Variants in MBD3 observed in about 807,000 individuals in gnomAD.
MBD3 encodes the protein methyl-CpG binding domain protein 3.
A neutral mutation model predicts 31.2 loss-of-function variants in MBD3; 13 were observed. The observed-to-expected ratio is 0.42, with a 90% CI of 0.27 to 0.66. MBD3 has a LOEUF of 0.66. MBD3 is among the 30% of genes least tolerant of loss of function. The pLI, the probability that MBD3 is intolerant of heterozygous loss-of-function variation, is 0.26. For missense variants in MBD3, 440 were observed against 426.5 expected (o/e 1.03, Z -0.28); for synonymous variants, 223 against 187.4 (o/e 1.19, Z -1.55).
At chr19:1,588,845 G>A (rs889100672) in intron 1 of MBD3, among the ~76,000 whole-genome samples, 7 of 149,684 alleles carry the variant, frequency 4.7e-5, no homozygotes, top group African/African-American at 1.7e-4. Context: ...CAGCCTGGTT[G>A]TTAAGACTGG....
chr19:1,582,403 G>A (rs550904202), intron 4 of MBD3, among the ~76,000 whole-genome samples: 2 of 152,128 alleles, frequency 1.3e-5, no homozygotes, highest in South Asian at 2.1e-4. Context: ...AGCCCCACCC[G>A]CAGGGTCTCC....
Position 1,578,651 on chromosome 19 carries a change from C to G in MBD3, c.678-113G>C. ...GGGAGGCCCGAGGGATCCACAGGCA[C>G]CCCCCCAGGACCAGCCCTGGCCCGT... On this transcript the variant is annotated intron_variant, in intron 5 of 6. Coordinates refer to ENST00000434436, the MANE Select transcript of MBD3 (RefSeq NM_001281453.2). This position sits in a 1 kb window ranked among gnomAD's most constrained non-coding sequence, Gnocchi z 6.1. 1 of 1,577,838 alleles carries G rather than the reference C, an allele frequency of 6.3e-7. No individual in the cohort carries two copies. The highest frequency in any genetic ancestry group is 2.2e-5 in the East Asian group (1 of 44,672).
Position 1,578,345 on chromosome 19 carries a change from C to T in MBD3, c.871G>A (p.Val291Ile), listed in dbSNP as rs765870017. 3.1e-5 allele frequency: 50 copies of T among 1,603,214 alleles called. No homozygotes were observed. The highest frequency in any genetic ancestry group is 1.2e-4 in the African/African-American group (9 of 74,920). The change falls in exon 6 of 7, where the codon GTC (valine) becomes ATC (isoleucine). Residue 291 changes from valine to isoleucine, a missense_variant. By Grantham distance (29) the Val-to-Ile change is conservative. This residue lies in a region of MBD3 where 117 missense variants were observed against 95.0 expected (regional missense o/e 1.23). Transcript: ENST00000434436. The surrounding 1 kb of genome is among the most constrained non-coding windows in gnomAD (Gnocchi z 6.1). ...EPDPDPEMEH[V>I] ...GTGGCCCCGCAGCACCTGCCCTAGA[C>T]GTGCTCCATCTCCGGGTCCGGGTCG...
Position 1,577,526 on chromosome 19 carries a change from G to C in MBD3, c.*638C>G, listed in dbSNP as rs1917229322. ...TGGAGTTTGGTTTTCAGAAGCGAAG[G>C]CTGGCGTTGGCACACAGGGAAGGCT... is the stretch of plus-strand genomic sequence containing the variant. On this transcript the variant is annotated 3_prime_UTR_variant, in exon 7 of 7. Coordinates refer to ENST00000434436, the MANE Select transcript of MBD3 (RefSeq NM_001281453.2). 6.6e-6 allele frequency: 1 copy of C among 152,250 alleles called. No individual in the cohort carries two copies. Among genetic ancestry groups the C allele is most frequent in the Non-Finnish European group, 1.5e-5 (1 of 68,068 alleles). 9.4% of individuals were successfully genotyped at this position (152,250 alleles called of 1,614,324 possible).
intron 3 of MBD3, among the ~76,000 whole-genome samples, chr19:1,583,062 G>A (rs566998543): frequency 4.6e-5 from 7 of 152,062 alleles, no homozygotes; most frequent in Middle Eastern, 3.4e-3. Context: ...AAAAAAGTCC[G>A]GTGTGGTGAC....
chr19:1,584,540 C>T lies in MBD3; in HGVS notation c.408G>A (p.Gln136=). 6.2e-7 allele frequency: 1 copy of T among 1,613,216 alleles called. No homozygotes were observed. The change falls in exon 3 of 7, where the codon CAG becomes CAA. Residue 136 remains glutamine (Q), a splice_region_variant and synonymous_variant. Transcript: ENST00000434436. ...DPQKAVDQPR[Q]LFWEKKLSGL... ...TGGGGTCGCTGTGCGTTGAGCTCAC[C>T]TGGCGCGGCTGGTCCACCGCCTTCT...
At chr19:1,592,453 G>T in intron 1 of MBD3, 69 bp downstream of exon 1, 1 of 761,964 alleles carries the variant, frequency 1.3e-6, no homozygotes, top group Non-Finnish European at 1.8e-6. Context: ...GGGCAGGGGC[G>T]CCGAGGCCGC....
chr19:1,574,280 AAG>A lies in MBD3; in HGVS notation c.*3882_*3883del, dbSNP rs1360582272. 3 of 152,278 alleles carry A rather than the reference AAG, an allele frequency of 2.0e-5. No individual in the cohort carries two copies. The highest frequency in any genetic ancestry group is 7.2e-5 in the African/African-American group (3 of 41,434). 9.4% of individuals were successfully genotyped at this position (152,278 alleles called of 1,614,324 possible). On this transcript the variant is annotated 3_prime_UTR_variant, in exon 7 of 7. Coordinates refer to ENST00000434436, the MANE Select transcript of MBD3 (RefSeq NM_001281453.2). ...ACCATTGCACTCCAGCCTGGGTGAC[AAG>A]AGTGAGACTCCATCTCAAAAAAAAA... is the stretch of plus-strand genomic sequence containing the variant.
At chr19:1,581,770 T>TC (rs1491259548) in intron 4 of MBD3, 2 of 193,800 alleles carry the variant, frequency 1.0e-5, no homozygotes, top group Non-Finnish European at 2.1e-5. Flanking sequence ...TTGCTCTGTA[T>TC]CTTTTTTTTT....
Position 1,578,196 on chromosome 19 carries a change from CG to C in MBD3, c.*6-39del. ...GGGAGGGCTGGCTTTAGCGACTCCACGGGACGGGGACGCTTGGGCTCTTCTA... is the reference window on the plus strand; with the variant it reads ...GGGAGGGCTGGCTTTAGCGACTCCACGGACGGGGACGCTTGGGCTCTTCTA... On this transcript the variant is annotated intron_variant, in intron 6 of 6. Transcript: ENST00000434436. The surrounding 1 kb of genome is among the most constrained non-coding windows in gnomAD (Gnocchi z 6.1). The C allele has an allele frequency of 9.6e-6, 13 of 1,352,220 alleles. No homozygotes were observed. The highest frequency in any genetic ancestry group is 1.3e-5 in the Non-Finnish European group (13 of 981,556). The allele number at this position is 1,352,220 out of a possible 1,614,324, so 83.8% of individuals were successfully genotyped here. A position where few individuals can be genotyped will look rare whatever the true frequency, so the allele number is the denominator to read the frequency against.
rs370367323 is a variant in MBD3 at position 1,578,427 on chromosome 19, G to A, written c.789C>T (p.Asp263=). The part of the protein sequence containing the change: ...ELARDGEAPL[D]KACAEDDDEE... ...CGTCGTCGTCCTCAGCGCAGGCCTT[G>A]TCCAGCGGCGCCTCCCCGTCACGGG... Residue 263 remains aspartate (D), a synonymous_variant, in exon 6 of 7, where the codon GAC becomes GAT. Transcript: ENST00000434436. This position sits in a 1 kb window ranked among gnomAD's most constrained non-coding sequence, Gnocchi z 6.1. 3 of 1,605,604 alleles carry A rather than the reference G, an allele frequency of 1.9e-6. No homozygotes were observed. The Admixed American group carries it at 5.0e-5, about 27-fold the overall frequency.
intron 1 of MBD3, among the ~76,000 whole-genome samples, chr19:1,590,304 A>G (rs768388395): frequency 6.6e-6 from 1 of 151,280 alleles, no homozygotes; most frequent in Non-Finnish European, 1.5e-5. Context: ...CTCCAAAAAA[A>G]AACCCCACTG....
intron 1 of MBD3, chr19:1,591,889 T>C (rs908628740): frequency 6.6e-6 from 1 of 151,928 alleles, no homozygotes; most frequent in Non-Finnish European, 1.5e-5. Context: ...AGACTACCGT[T>C]AGGTGGGCTC....
At position 1,592,718 on chromosome 19, in the gene MBD3, CGCT is replaced by C; in HGVS notation, c.-90_-88del. 1 of 316,846 alleles carries C rather than the reference CGCT, an allele frequency of 3.2e-6. No individual in the cohort carries two copies. The highest frequency in any genetic ancestry group is 2.3e-5 in the African/African-American group (1 of 44,244). The allele number at this position is 316,846 out of a possible 1,614,324, so 19.6% of individuals were successfully genotyped here. A position where few individuals can be genotyped will look rare whatever the true frequency, so the allele number is the denominator to read the frequency against. The stretch of plus-strand genomic sequence containing the variant: ...CCGCCGCCTCAGCTGCCTCCGCTGC[CGCT>C]GCCGCCGCCGCCACTTGCCGCGGCT... On this transcript the variant is annotated 5_prime_UTR_variant, in exon 1 of 7. Coordinates refer to ENST00000434436, the MANE Select transcript of MBD3 (RefSeq NM_001281453.2).
chr19:1,584,810 G>T, intron 2 of MBD3, 133 bp from the exon 3 acceptor site: 3 of 1,032,324 alleles, frequency 2.9e-6, no homozygotes, highest in East Asian at 7.0e-5. Flanking sequence ...GGACCCCCAC[G>T]GTCCGGGGAG....
intron 1 of MBD3, among the ~76,000 whole-genome samples, chr19:1,589,679 A>G (rs2060695125): frequency 6.6e-6 from 1 of 151,876 alleles, no homozygotes; most frequent in African/African-American, 2.4e-5. Context: ...AATGAACATA[A>G]AAAATTAGCT....
chr19:1,575,546 C>T lies in MBD3; in HGVS notation c.*2618G>A, dbSNP rs1916318343. The T allele has an allele frequency of 5.1e-6, 1 of 197,672 alleles. No homozygotes were observed. The highest frequency in any genetic ancestry group is 1.1e-5 in the Non-Finnish European group (1 of 93,158). The allele number at this position is 197,672 out of a possible 1,614,324, so 12.2% of individuals were successfully genotyped here. A position where few individuals can be genotyped will look rare whatever the true frequency, so the allele number is the denominator to read the frequency against. On this transcript the variant is annotated 3_prime_UTR_variant, in exon 7 of 7. Coordinates refer to ENST00000434436, the MANE Select transcript of MBD3 (RefSeq NM_001281453.2). ...ATGAGGCCCCCACGAAAGATCCCAGCATTGGGAGCTCAGGCTTCCCCGCCC... is the reference window on the plus strand; with the variant it reads ...ATGAGGCCCCCACGAAAGATCCCAGTATTGGGAGCTCAGGCTTCCCCGCCC...
chr19:1,583,387 C>CAAAAAAAAAA (rs58372630), intron 3 of MBD3: 7 of 66,452 alleles, frequency 1.1e-4, no homozygotes, highest in Non-Finnish European at 1.7e-4. Context: ...GACTCTGTCA[C>CAAAAAAAAAA]AAAAAAAAAA....
Position 1,578,456 on chromosome 19 carries a change from G to A in MBD3, c.760C>T (p.Leu254=). ...AGCGGCGCCTCCCCGTCACGGGCCA[G>A]CTCCTCCACGTGCGCCAGCATGTCG... is the stretch of plus-strand genomic sequence containing the variant. ...MADMLAHVEE[L]ARDGEAPLDK... The change falls in exon 6 of 7, where the codon CTG becomes TTG. Residue 254 remains leucine, a synonymous_variant. Transcript: ENST00000434436. This position sits in a 1 kb window ranked among gnomAD's most constrained non-coding sequence, Gnocchi z 6.1. 6.2e-7 allele frequency: 1 copy of A among 1,608,748 alleles called. No individual in the cohort carries two copies. Among genetic ancestry groups the A allele is most frequent in the South Asian group, 1.1e-5 (1 of 91,076 alleles).
Sources: allele counts gnomAD v4.1 joint callset (sites outside exome capture counted in the v4.1 genomes callset), GRCh38; gene constraint gnomAD v4.1.1; regional missense constraint gnomAD v4.1.1; non-coding constraint Gnocchi (gnomAD v3.1); transcripts MANE v1.5; gene names NCBI Gene and HGNC (gene_info 2026-07-23, HGNC 2026-07-21).